Variants in ST8SIA2 observed in about 807,000 individuals in gnomAD.
ST8SIA2 encodes alpha-2,8-sialyltransferase 8B.
A neutral mutation model predicts 37.6 loss-of-function variants in ST8SIA2; 22 were observed. The ratio of observed to expected loss-of-function variants is 0.58; its 90% CI spans 0.42 to 0.83. The LOEUF is 0.83. Among genes scored for constraint, ST8SIA2 ranks in the 40% least tolerant of loss-of-function variants. The pLI is 0.00. For synonymous variants in ST8SIA2, 205 were observed against 201.2 expected (o/e 1.02, Z -0.16); for missense variants, 382 against 484.7 (o/e 0.79, Z 1.99).
At chr15:92,457,316 C>T (rs572805202) in intron 5 of ST8SIA2, among the ~76,000 whole-genome samples, 1 of 152,346 alleles carries the variant, frequency 6.6e-6, no homozygotes, top group South Asian at 2.1e-4. Context: ...ACTATTCTTT[C>T]CACATACCCA....
intron 4 of ST8SIA2, among the ~76,000 whole-genome samples, chr15:92,442,410 A>G (rs1341068395): frequency 1.3e-5 from 2 of 149,388 alleles, no homozygotes; most frequent in Non-Finnish European, 2.9e-5. Context: ...AGTTGGGAGT[A>G]TATTTCCTGC....
At chr15:92,415,182 G>C (rs2049578079) in intron 1 of ST8SIA2, among the ~76,000 whole-genome samples, 1 of 152,080 alleles carries the variant, frequency 6.6e-6, no homozygotes, top group Non-Finnish European at 1.5e-5. Flanking sequence ...TAGAACTCCT[G>C]AATTTCCTTC....
intron 5 of ST8SIA2, among the ~76,000 whole-genome samples, chr15:92,449,405 C>T (rs546719262): frequency 1.6e-4 from 24 of 152,312 alleles, no homozygotes; most frequent in African/African-American, 5.1e-4. Context: ...TTATCCAATC[C>T]ACCACTTCTG....
At chr15:92,435,413 G>A (rs571896189) in intron 3 of ST8SIA2, among the ~76,000 whole-genome samples, 31 of 152,242 alleles carry the variant, frequency 2.0e-4, no homozygotes, top group Admixed American at 3.3e-4. Flanking sequence ...AGTGCTGCAG[G>A]AGCAGGAAGC....
intron 1 of ST8SIA2, among the ~76,000 whole-genome samples, chr15:92,410,729 G>A (rs543988079): frequency 3.0e-4 from 45 of 152,292 alleles, no homozygotes; most frequent in African/African-American, 1.1e-3. Flanking sequence ...CCCATGGTGA[G>A]CTGACGTGTA....
intron 5 of ST8SIA2, among the ~76,000 whole-genome samples, chr15:92,463,014 A>G (rs1190883875): frequency 6.6e-6 from 1 of 152,252 alleles, no homozygotes; most frequent in Non-Finnish European, 1.5e-5. Context: ...GAGATCACCT[A>G]GACTGTGACT....
chr15:92,452,167 C>T (rs2049886633), intron 5 of ST8SIA2, among the ~76,000 whole-genome samples: 1 of 152,130 alleles, frequency 6.6e-6, no homozygotes. Context: ...CACTTTACTG[C>T]TCTAAAGCAG....
intron 4 of ST8SIA2, among the ~76,000 whole-genome samples, chr15:92,443,736 C>T: frequency 6.6e-6 from 1 of 152,148 alleles, no homozygotes; most frequent in Non-Finnish European, 1.5e-5. Context: ...TGTTTCTCAC[C>T]TCTCTGCCCT....
chr15:92,437,335 T>C (rs1330143449), intron 3 of ST8SIA2, among the ~76,000 whole-genome samples: 1 of 152,236 alleles, frequency 6.6e-6, no homozygotes, highest in Non-Finnish European at 1.5e-5. Flanking sequence ...ATTTTCAGGT[T>C]CCTTGGCAGA....
chr15:92,405,071 G>A lies in ST8SIA2; in HGVS notation c.98+10909G>A, dbSNP rs139008499. Among the ~76,000 whole-genome samples the A allele has an allele frequency of 6.4e-3, 971 of 151,048 alleles. 12 individuals are homozygous for A. Among genetic ancestry groups the A allele is most frequent in the African/African-American group, 0.021 (885 of 41,186 alleles). ...AGCCCAGGAGTTTGGACATGCCTGG[G>A]CAATATAGCAAGACCCTGTTCTTAA... On this transcript the variant is annotated intron_variant, in intron 1 of 5. Transcript: ENST00000268164.
At chr15:92,394,473 G>C (rs2049414657) in intron 1 of ST8SIA2, among the ~76,000 whole-genome samples, 1 of 152,172 alleles carries the variant, frequency 6.6e-6, no homozygotes, top group African/African-American at 2.4e-5. Flanking sequence ...GTGTCGCCGG[G>C]GTCGAGGGAG....
intron 5 of ST8SIA2, among the ~76,000 whole-genome samples, chr15:92,445,582 G>A (rs1408323763): frequency 2.0e-5 from 3 of 152,130 alleles, no homozygotes; most frequent in East Asian, 3.9e-4. Flanking sequence ...TTGTCCACAA[G>A]GTCTTCTCTC....
intron 1 of ST8SIA2, among the ~76,000 whole-genome samples, chr15:92,415,638 G>T (rs1180431906): frequency 6.6e-6 from 1 of 151,678 alleles, no homozygotes; most frequent in African/African-American, 2.4e-5. Context: ...ACTGTTACCA[G>T]ATCTTCTGAC....
chr15:92,414,287 G>T (rs1421853974), intron 1 of ST8SIA2, among the ~76,000 whole-genome samples: 2 of 152,198 alleles, frequency 1.3e-5, no homozygotes, highest in Non-Finnish European at 2.9e-5. Flanking sequence ...GATCTGACTG[G>T]GTGAAGCTCT....
intron 1 of ST8SIA2, among the ~76,000 whole-genome samples, chr15:92,409,365 GATAAA>G (rs1596231280): frequency 1.3e-5 from 2 of 152,204 alleles, no homozygotes; most frequent in Admixed American, 1.3e-4. Flanking sequence ...GATCAATTGA[GATAAA>G]ATAAAGTAAA....
intron 5 of ST8SIA2, among the ~76,000 whole-genome samples, chr15:92,460,928 G>A (rs1031959691): frequency 2.6e-5 from 4 of 152,156 alleles, no homozygotes; most frequent in South Asian, 2.1e-4. Context: ...TCGAGGACAC[G>A]CTGTAAAGTG....
intron 1 of ST8SIA2, chr15:92,421,345 A>C (rs1285633401): frequency 6.6e-6 from 1 of 152,262 alleles, no homozygotes; most frequent in Non-Finnish European, 1.5e-5. Flanking sequence ...TTTGCTTTTC[A>C]CATCGTAGAG....
chr15:92,426,527 G>A (rs995037910), intron 1 of ST8SIA2, among the ~76,000 whole-genome samples: 7 of 152,164 alleles, frequency 4.6e-5, no homozygotes, highest in African/African-American at 1.4e-4. Flanking sequence ...CCAAATCAGC[G>A]AGATTTGAGT....
intron 1 of ST8SIA2, among the ~76,000 whole-genome samples, chr15:92,411,551 C>T (rs28539286): frequency 0.081 from 12,340 of 152,142 alleles, 1,480 homozygotes; most frequent in African/African-American, 0.26. Context: ...TAAACATGAT[C>T]ATTTTAAGAG....
Sources: allele counts gnomAD v4.1 joint callset (sites outside exome capture counted in the v4.1 genomes callset), GRCh38; gene constraint gnomAD v4.1.1; transcripts MANE v1.5; gene names NCBI Gene and HGNC (gene_info 2026-07-23, HGNC 2026-07-21).